The following SMYD2 variants were observed in gnomAD, a reference collection of about 807,000 sequenced individuals.
SMYD2 encodes N-lysine methyltransferase SMYD2.
Under a neutral mutation model 59.1 loss-of-function variants are expected in SMYD2, and 53 were observed. That is an observed-to-expected ratio of 0.90 (90% CI 0.72 to 1.13). The LOEUF (loss-of-function observed/expected upper bound fraction) is 1.13, where lower values mean the gene tolerates loss of function less well. Ranked by LOEUF, SMYD2 falls within the 50% of genes most tolerant of loss-of-function variation. The probability of loss-of-function intolerance (pLI) is 0.00; values close to 1 mark genes in which losing one functional copy is unlikely to be tolerated. For missense variants in SMYD2, 494 were observed against 544.7 expected (o/e 0.91, Z 0.93); for synonymous variants, 208 against 198.8 (o/e 1.05, Z -0.39).
At chr1:214,296,790 G>A (rs962370717) in intron 1 of SMYD2, among the ~76,000 whole-genome samples, 1 of 151,902 alleles carries the variant, frequency 6.6e-6, no homozygotes, top group African/African-American at 2.4e-5. Flanking sequence ...TTTGAGAGAG[G>A]GAAGTGGGAA....
intron 5 of SMYD2, among the ~76,000 whole-genome samples, chr1:214,319,222 T>TGCCTCA (rs1338586968): frequency 6.6e-6 from 1 of 152,204 alleles, no homozygotes; most frequent in East Asian, 1.9e-4. Context: ...CCTCTGCCTC[T>TGCCTCA]GCCTCACAAA....
At chr1:214,329,887 T>C (rs61821362) in intron 7 of SMYD2, among the ~76,000 whole-genome samples, 4,880 of 152,304 alleles carry the variant, frequency 0.032, 147 homozygotes, top group South Asian at 0.052. Context: ...TCCAGGACAC[T>C]GTTTTAAGGA....
chr1:214,309,312 T>A (rs1468968293), intron 2 of SMYD2, among the ~76,000 whole-genome samples: 1 of 152,144 alleles, frequency 6.6e-6, no homozygotes, highest in Non-Finnish European at 1.5e-5. Context: ...TGTGTTTTAA[T>A]GAACTGTATT....
intron 1 of SMYD2, among the ~76,000 whole-genome samples, chr1:214,296,682 G>A (rs1304431190): frequency 2.0e-5 from 3 of 152,136 alleles, no homozygotes; most frequent in East Asian, 1.9e-4. Flanking sequence ...AGGTGGAAAC[G>A]ATATCTTTAT....
intron 6 of SMYD2, among the ~76,000 whole-genome samples, chr1:214,325,490 T>C (rs1436103766): frequency 2.0e-5 from 3 of 152,356 alleles, no homozygotes; most frequent in Non-Finnish European, 2.9e-5. Context: ...GCTTAACATA[T>C]ACTGCAGGGG....
At chr1:214,283,992 G>T (rs1359589705) in intron 1 of SMYD2, among the ~76,000 whole-genome samples, 1 of 152,144 alleles carries the variant, frequency 6.6e-6, no homozygotes. Context: ...AACAGAATGG[G>T]ATTCTTACGG....
At position 214,318,149 on chromosome 1, in the gene SMYD2, T is replaced by C. The variant is rs1188934679; in HGVS notation, c.409+10T>C. On this transcript the variant is annotated intron_variant, in intron 4 of 11. Transcript: ENST00000366957. This position sits in a 1 kb window ranked among gnomAD's most constrained non-coding sequence, Gnocchi z 5.4. ...AAGGAGTTTGAATCACGTAAGTCTT[T>C]CTGTGACCAGCCGCGCAGTTCTCTC... 1 of 1,613,606 alleles carries C rather than the reference T, an allele frequency of 6.2e-7. No individual in the cohort carries two copies. The highest frequency in any genetic ancestry group is 8.5e-7 in the Non-Finnish European group (1 of 1,179,816).
At chr1:214,324,230 C>A (rs1331650455) in intron 5 of SMYD2, among the ~76,000 whole-genome samples, 1 of 152,194 alleles carries the variant, frequency 6.6e-6, no homozygotes, top group Non-Finnish European at 1.5e-5. Flanking sequence ...AGCTACCACG[C>A]CCAGCCAGAT....
At chr1:214,317,818 C>T (rs1657109491) in intron 3 of SMYD2, among the ~76,000 whole-genome samples, 1 of 152,044 alleles carries the variant, frequency 6.6e-6, no homozygotes. Context: ...CTGTTCTTTC[C>T]CGTAACAGGT....
intron 1 of SMYD2, among the ~76,000 whole-genome samples, chr1:214,296,249 C>T (rs1176664523): frequency 6.6e-6 from 1 of 152,212 alleles, no homozygotes; most frequent in Non-Finnish European, 1.5e-5. Context: ...TTCATGGTTT[C>T]CGATTTTTAA....
At chr1:214,289,775 C>T (rs976440290) in intron 1 of SMYD2, among the ~76,000 whole-genome samples, 1 of 152,236 alleles carries the variant, frequency 6.6e-6, no homozygotes, top group Non-Finnish European at 1.5e-5. Context: ...GTGGCTGTGT[C>T]AGGGCAGGGG....
rs1402805529 is a variant in SMYD2, at chr1:214,281,232, G to C, written c.-23G>C. ...CGGGAGCCGCAGCTCGGGCACAGCC[G>C]GCGGCCGCGCCCCGCCGCCACCATG... On this transcript the variant is annotated 5_prime_UTR_variant, in exon 1 of 12. Transcript: ENST00000366957. 133 of 1,227,320 alleles carry C rather than the reference G, an allele frequency of 1.1e-4. No individual in the cohort carries two copies. Among genetic ancestry groups the C allele is most frequent in the Non-Finnish European group, 1.3e-4 (129 of 979,704 alleles). The allele number at this position is 1,227,320 out of a possible 1,614,324, so 76.0% of individuals were successfully genotyped here.
At chr1:214,332,347 C>A in intron 10 of SMYD2, 155 bp downstream of exon 10, 5 of 829,440 alleles carry the variant, frequency 6.0e-6, no homozygotes, top group Non-Finnish European at 9.2e-6. Context: ...CAGGGCACTG[C>A]TCCCGAGTCA....
intron 9 of SMYD2, 172 bp downstream of exon 9, chr1:214,331,242 C>G (rs1657348993): frequency 1.0e-6 from 1 of 953,758 alleles, no homozygotes; most frequent in African/African-American, 1.7e-5. Flanking sequence ...TGGTGTCCAT[C>G]CTGTTGGAGT....
At chr1:214,285,117 T>C (rs1348811080) in intron 1 of SMYD2, among the ~76,000 whole-genome samples, 6 of 152,220 alleles carry the variant, frequency 3.9e-5, no homozygotes, top group Non-Finnish European at 7.3e-5. Flanking sequence ...TTAGATTAGT[T>C]GTTTTAAAAA....
chr1:214,304,015 G>A (rs1261437704), intron 1 of SMYD2, among the ~76,000 whole-genome samples: 1 of 152,214 alleles, frequency 6.6e-6, no homozygotes, highest in Non-Finnish European at 1.5e-5. Context: ...AAAGAGTTTT[G>A]TAGTATGTGG....
chr1:214,331,896 G>A (rs921390590), intron 9 of SMYD2, 122 bp from the exon 10 acceptor site: 2 of 855,876 alleles, frequency 2.3e-6, no homozygotes, highest in Non-Finnish European at 3.5e-6. Context: ...TTGGCTTTCT[G>A]TAAGTTACTT....
chr1:214,301,769 T>TAAAAAAAAAA lies in SMYD2; in HGVS notation c.174-3409_174-3400dup, dbSNP rs56102481. 6.7e-5 allele frequency among the ~76,000 whole-genome samples: 9 copies of TAAAAAAAAAA among 133,346 alleles called. 2 individuals are homozygous for TAAAAAAAAAA. Among genetic ancestry groups the TAAAAAAAAAA allele is most frequent in the Non-Finnish European group, 1.1e-4 (7 of 64,458 alleles). 87.5% of individuals were successfully genotyped at this position (133,346 alleles called of 152,430 possible). A position where few individuals can be genotyped will look rare whatever the true frequency, so the allele number is the denominator to read the frequency against. ...TTTATCTAAAACTGTTCTTTCAAGTTAAAAAAAAAAAAAAAAAAGCCAGGA... is the reference window on the plus strand; with the variant it reads ...TTTATCTAAAACTGTTCTTTCAAGTTAAAAAAAAAAAAAAAAAAAAAAAAAAAAGCCAGGA... On this transcript the variant is annotated intron_variant, in intron 1 of 11. Transcript: ENST00000366957.
chr1:214,291,913 T>TA (rs1330812376), intron 1 of SMYD2, among the ~76,000 whole-genome samples: 2 of 152,308 alleles, frequency 1.3e-5, no homozygotes, highest in East Asian at 3.9e-4. Context: ...AACAGCACTC[T>TA]AAAAAAACCT....
Sources: allele counts gnomAD v4.1 joint callset (sites outside exome capture counted in the v4.1 genomes callset), GRCh38; gene constraint gnomAD v4.1.1; non-coding constraint Gnocchi (gnomAD v3.1); transcripts MANE v1.5; gene names NCBI Gene and HGNC (gene_info 2026-07-23, HGNC 2026-07-21).